Variants in GLIS3 observed in about 807,000 individuals in gnomAD.
The protein encoded by GLIS3 is zinc finger protein GLIS3.
A neutral mutation model predicts 78.6 loss-of-function variants in GLIS3; 53 were observed. The observed-to-expected ratio is 0.67, with a 90% CI of 0.54 to 0.85. The LOEUF (loss-of-function observed/expected upper bound fraction) is 0.85. Among genes scored for constraint, GLIS3 ranks in the 40% least tolerant of loss-of-function variants. The probability of loss-of-function intolerance (pLI) is 0.00; values close to 1 mark genes in which losing one functional copy is unlikely to be tolerated. For missense variants in GLIS3, 1,703 were observed against 1,231.1 expected (o/e 1.38, Z -5.74); for synonymous variants, 684 against 509.9 (o/e 1.34, Z -4.60).
intron 2 of GLIS3, among the ~76,000 whole-genome samples, chr9:4,224,213 A>T (rs574786806): frequency 6.6e-6 from 1 of 152,202 alleles, no homozygotes; most frequent in Admixed American, 6.5e-5. Context: ...TATAGGGCTC[A>T]GTTTCCTCAT....
chr9:4,195,505 A>C (rs1818742955), intron 2 of GLIS3, among the ~76,000 whole-genome samples: 3 of 152,192 alleles, frequency 2.0e-5, no homozygotes, highest in African/African-American at 4.8e-5. Context: ...ACCGCGCTCG[A>C]ATTCTCGCCG....
chr9:3,860,521 A>G (rs138014838), intron 8 of GLIS3, among the ~76,000 whole-genome samples: 8 of 152,116 alleles, frequency 5.3e-5, no homozygotes, highest in Admixed American at 2.0e-4. Flanking sequence ...ATTGTTTCTC[A>G]TATCAGTAGC....
chr9:4,379,322 T>C, the GLIS3 span, among the ~76,000 whole-genome samples: 1 of 152,184 alleles, frequency 6.6e-6, no homozygotes, highest in African/African-American at 2.4e-5. Flanking sequence ...TTAATAGGGG[T>C]TTGGCAAAAC....
chr9:4,190,972 C>G (rs907782518), intron 2 of GLIS3, among the ~76,000 whole-genome samples: 9 of 152,128 alleles, frequency 5.9e-5, no homozygotes, highest in African/African-American at 1.9e-4. Flanking sequence ...ACTTTACAGA[C>G]AAGCAAATGC....
intron 2 of GLIS3, among the ~76,000 whole-genome samples, chr9:4,130,844 A>C (rs1378065112): frequency 6.6e-6 from 1 of 152,132 alleles, no homozygotes; most frequent in African/African-American, 2.4e-5. Context: ...CAGACCCCAA[A>C]ATGGTAGGTG....
At chr9:4,322,186 T>C (rs936892440) in intron 2 of GLIS3, among the ~76,000 whole-genome samples, 3 of 152,224 alleles carry the variant, frequency 2.0e-5, no homozygotes, top group African/African-American at 7.2e-5. Flanking sequence ...GCTTCATCCA[T>C]GTCCCTACAA....
chr9:4,307,522 C>G (rs1490800322), intron 4 of GLIS3, among the ~76,000 whole-genome samples: 1 of 150,402 alleles, frequency 6.6e-6, no homozygotes. Flanking sequence ...AGAATAATGT[C>G]CCCCCGGCCC....
chr9:4,371,488 T>C, the GLIS3 span, among the ~76,000 whole-genome samples: 1 of 152,314 alleles, frequency 6.6e-6, no homozygotes, highest in Non-Finnish European at 1.5e-5. Flanking sequence ...GGTTGGAGTC[T>C]TGTTCACAAA....
chr9:4,178,889 T>C (rs1323607236), intron 2 of GLIS3, among the ~76,000 whole-genome samples: 1 of 152,206 alleles, frequency 6.6e-6, no homozygotes, highest in Non-Finnish European at 1.5e-5. Flanking sequence ...TATTAATAAA[T>C]TAAAAAATTT....
At chr9:4,192,111 T>C (rs1818384385) in intron 2 of GLIS3, among the ~76,000 whole-genome samples, 2 of 152,144 alleles carry the variant, frequency 1.3e-5, no homozygotes, top group Non-Finnish European at 2.9e-5. Context: ...ATTTCTGAAG[T>C]AGAACAAAAA....
chr9:4,479,952 G>T, the GLIS3 span, among the ~76,000 whole-genome samples: 2 of 118,800 alleles, frequency 1.7e-5, no homozygotes, highest in African/African-American at 6.6e-5. Flanking sequence ...ATGGGTTTTC[G>T]CCATGTTAGC....
chr9:4,130,152 T>C (rs1040592184), intron 2 of GLIS3, among the ~76,000 whole-genome samples: 6 of 152,154 alleles, frequency 3.9e-5, no homozygotes, highest in Non-Finnish European at 8.8e-5. Context: ...TCTAACAACA[T>C]GTGTTTATAT....
intron 2 of GLIS3, among the ~76,000 whole-genome samples, chr9:4,260,682 G>A (rs1439037095): frequency 6.6e-6 from 1 of 152,028 alleles, no homozygotes; most frequent in Admixed American, 6.6e-5. Context: ...GGAGGCGGAG[G>A]TTGCAGTGAG....
At chr9:4,443,496 G>A in the GLIS3 span, among the ~76,000 whole-genome samples, 1 of 152,164 alleles carries the variant, frequency 6.6e-6, no homozygotes, top group Non-Finnish European at 1.5e-5. Flanking sequence ...AATAAACAAT[G>A]AAGATGCAGT....
chr9:4,323,661 T>G (rs561071469), intron 2 of GLIS3, among the ~76,000 whole-genome samples: 28 of 152,318 alleles, frequency 1.8e-4, no homozygotes, highest in Non-Finnish European at 3.8e-4. Flanking sequence ...CTTCAAAGCA[T>G]CATGTATGTC....
intron 2 of GLIS3, among the ~76,000 whole-genome samples, chr9:4,338,369 C>T (rs796572027): frequency 4.2e-4 from 50 of 118,460 alleles, no homozygotes; most frequent in African/African-American, 1.4e-3. Context: ...TATGTGTGTA[C>T]ACACACACAC....
At chr9:4,170,535 G>A (rs1816288222) in intron 2 of GLIS3, among the ~76,000 whole-genome samples, 1 of 152,170 alleles carries the variant, frequency 6.6e-6, no homozygotes. Flanking sequence ...CAGTCATCTA[G>A]GAGCACACTT....
chr9:4,270,674 T>G (rs1826418234), intron 2 of GLIS3, among the ~76,000 whole-genome samples: 1 of 152,100 alleles, frequency 6.6e-6, no homozygotes, highest in Non-Finnish European at 1.5e-5. Context: ...TAAACATAAG[T>G]CAAACTTCTT....
the GLIS3 span, among the ~76,000 whole-genome samples, chr9:4,455,002 G>C: frequency 6.6e-6 from 1 of 152,080 alleles, no homozygotes; most frequent in Non-Finnish European, 1.5e-5. Flanking sequence ...ATTAAGAAGT[G>C]CTTAGTGTTT....
Sources: gnomAD v4.1 joint callset for allele counts (sites outside exome capture counted in the v4.1 genomes callset) on GRCh38, gnomAD v4.1.1 for gene constraint, MANE v1.5 for transcripts, NCBI Gene and HGNC (gene_info 2026-07-23, HGNC 2026-07-21) for gene names.